The following RASSF8 variants were observed in gnomAD, a reference collection of about 807,000 sequenced individuals.
The protein encoded by RASSF8 is ras association domain-containing protein 8.
A neutral mutation model predicts 48.5 loss-of-function variants in RASSF8; 22 were observed. That is an observed-to-expected ratio of 0.45 (90% CI 0.32 to 0.65). The LOEUF (loss-of-function observed/expected upper bound fraction) is 0.65. Ranked by LOEUF, RASSF8 falls within the 30% of genes least tolerant of loss-of-function variation. The pLI is 0.03. For missense variants in RASSF8, 418 were observed against 489.2 expected, an observed-to-expected ratio of 0.85 and a Z score of 1.37; for synonymous variants, 127 against 171.5, an observed-to-expected ratio of 0.74 and a Z score of 2.03.
intron 2 of RASSF8, among the ~76,000 whole-genome samples, chr12:26,028,551 A>G (rs973662797): frequency 2.0e-5 from 3 of 152,190 alleles, no homozygotes; most frequent in Non-Finnish European, 4.4e-5. Flanking sequence ...CGTACATGAA[A>G]TTATTAAAAA....
intron 2 of RASSF8, among the ~76,000 whole-genome samples, chr12:26,039,399 G>A (rs1436747341): frequency 6.6e-6 from 1 of 151,694 alleles, no homozygotes; most frequent in Non-Finnish European, 1.5e-5. Context: ...GAGGGCTTGG[G>A]ACTTGAGTTC....
rs1415792905 is a variant in RASSF8 at position 26,068,658 on chromosome 12, GACGAGCTCATC to G, written c.1139-37_1139-27del. On this transcript the variant is annotated intron_variant, in intron 5 of 5. Transcript: ENST00000689635. ...TTTATATTGCTAAGTACTCCAAGTT[GACGAGCTCATC>G]AGGTGGCTCTCTTTGTTTCCTGTTT... 16 of 1,455,732 alleles carry G rather than the reference GACGAGCTCATC, an allele frequency of 1.1e-5. No individual in the cohort carries two copies. The Admixed American group carries it at 3.2e-4, about 29-fold the overall frequency. 90.2% of individuals were successfully genotyped at this position (1,455,732 alleles called of 1,614,324 possible). A position where few individuals can be genotyped will look rare whatever the true frequency, so the allele number is the denominator to read the frequency against.
At position 26,065,076 on chromosome 12, in the gene RASSF8, A is replaced by T; in HGVS notation, c.682A>T (p.Asn228Tyr). ...AATTGAGGAGGAAGAATTCTGGGAA[A>T]ATGAATTACAGATTGAACAGGAAAA... is the stretch of plus-strand genomic sequence containing the variant. ...VEIEEEEFWE[N>Y]ELQIEQENEK... Residue 228 changes from asparagine (N) to tyrosine (Y), a missense_variant, in exon 4 of 6, where the codon AAT (asparagine) becomes TAT (tyrosine). Physicochemically the swap from Asn to Tyr is moderately radical, Grantham distance 143. Transcript: ENST00000689635. The T allele has an allele frequency of 6.2e-7, 1 of 1,614,086 alleles. No homozygotes were observed. The highest frequency in any genetic ancestry group is 8.5e-7 in the Non-Finnish European group (1 of 1,179,952).
At position 26,069,508 on chromosome 12, in the gene RASSF8, A is replaced by G. The variant is rs1206519853; in HGVS notation, c.*690A>G. 3.0e-6 allele frequency: 3 copies of G among 985,350 alleles called. No individual in the cohort carries two copies. The African/African-American group carries it at 5.2e-5, about 17-fold the overall frequency. 61.0% of individuals were successfully genotyped at this position (985,350 alleles called of 1,614,324 possible). A position where few individuals can be genotyped will look rare whatever the true frequency, so the allele number is the denominator to read the frequency against. ...CCACAGAGCATAACAGATATTTTTC[A>G]TAAGCTAAATTGTATGTATAAAACA... is the stretch of plus-strand genomic sequence containing the variant. On this transcript the variant is annotated 3_prime_UTR_variant, in exon 6 of 6. Coordinates refer to ENST00000689635, the MANE Select transcript of RASSF8 (RefSeq NM_001394098.1).
intron 3 of RASSF8, among the ~76,000 whole-genome samples, chr12:26,061,828 C>CT (rs1301606678): frequency 6.6e-6 from 1 of 151,740 alleles, no homozygotes; most frequent in Non-Finnish European, 1.5e-5. Context: ...ATTCATTTGC[C>CT]TTTTTTAAAA....
At chr12:25,962,200 T>A (rs547149319) in intron 1 of RASSF8, among the ~76,000 whole-genome samples, 2 of 152,334 alleles carry the variant, frequency 1.3e-5, no homozygotes, top group South Asian at 4.1e-4. Context: ...TTGCATCTCT[T>A]GCTGTCATCT....
intron 3 of RASSF8, among the ~76,000 whole-genome samples, chr12:26,059,468 A>G (rs373218853): frequency 9.8e-5 from 15 of 152,324 alleles, no homozygotes; most frequent in Non-Finnish European, 1.3e-4. Flanking sequence ...AAATTTAGAA[A>G]ACACAAAGAA....
intron 1 of RASSF8, among the ~76,000 whole-genome samples, chr12:25,973,602 G>T (rs1174340234): frequency 1.3e-5 from 2 of 152,172 alleles, no homozygotes; most frequent in East Asian, 3.9e-4. Context: ...CTGAATGTTT[G>T]TGTCTCCCTC....
At position 26,070,503 on chromosome 12, in the gene RASSF8, A is replaced by C. The variant is rs1294135571; in HGVS notation, c.*1685A>C. On this transcript the variant is annotated 3_prime_UTR_variant, in exon 6 of 6. Transcript: ENST00000689635. Reference sequence around the variant, plus strand: ...GAGTTATCAAATTGATCTTGCCATTATGTTACTTTGCAAATAACTGAAGTA... The same window carrying C: ...GAGTTATCAAATTGATCTTGCCATTCTGTTACTTTGCAAATAACTGAAGTA... 1 of 984,590 alleles carries C rather than the reference A, an allele frequency of 1.0e-6. No homozygotes were observed. The highest frequency in any genetic ancestry group is 1.1e-4 in the East Asian group (1 of 8,818). 61.0% of individuals were successfully genotyped at this position (984,590 alleles called of 1,614,324 possible). A position where few individuals can be genotyped will look rare whatever the true frequency, so the allele number is the denominator to read the frequency against.
chr12:26,043,563 G>T (rs1057148947), intron 2 of RASSF8, among the ~76,000 whole-genome samples: 2 of 152,222 alleles, frequency 1.3e-5, no homozygotes, highest in Admixed American at 1.3e-4. Flanking sequence ...AGACAGGATG[G>T]GAAGGCAGGG....
At chr12:26,039,824 A>G (rs1033613397) in intron 2 of RASSF8, among the ~76,000 whole-genome samples, 3 of 152,208 alleles carry the variant, frequency 2.0e-5, no homozygotes, top group Admixed American at 6.5e-5. Context: ...ATCTGTTTAA[A>G]TAAAAGGTAT....
At chr12:26,063,955 C>T (rs1417505002) in intron 3 of RASSF8, among the ~76,000 whole-genome samples, 1 of 152,094 alleles carries the variant, frequency 6.6e-6, no homozygotes, top group African/African-American at 2.4e-5. Context: ...CTGGGCACCT[C>T]CTGTGGCTGA....
At chr12:25,984,436 C>T (rs540224260) in intron 1 of RASSF8, among the ~76,000 whole-genome samples, 16 of 151,644 alleles carry the variant, frequency 1.1e-4, no homozygotes, top group Non-Finnish European at 1.8e-4. Flanking sequence ...TCTTCCTCCC[C>T]GGTTCAGGCA....
intron 1 of RASSF8, among the ~76,000 whole-genome samples, chr12:25,972,753 G>A (rs1248838396): frequency 6.6e-6 from 1 of 152,220 alleles, no homozygotes; most frequent in Non-Finnish European, 1.5e-5. Context: ...AGTATGTTAT[G>A]TCTGTGTGTA....
At chr12:26,063,350 G>A (rs962766842) in intron 3 of RASSF8, among the ~76,000 whole-genome samples, 2 of 151,966 alleles carry the variant, frequency 1.3e-5, no homozygotes, top group Non-Finnish European at 2.9e-5. Flanking sequence ...ATAATGATTA[G>A]ATTCAGTATA....
intron 3 of RASSF8, among the ~76,000 whole-genome samples, chr12:26,058,469 A>G (rs576301445): frequency 2.6e-4 from 39 of 152,300 alleles, no homozygotes; most frequent in African/African-American, 9.1e-4. Flanking sequence ...CAATTTGTAG[A>G]CTGGTTTCTT....
intron 2 of RASSF8, among the ~76,000 whole-genome samples, chr12:26,032,085 C>A (rs1943042342): frequency 6.6e-6 from 1 of 152,092 alleles, no homozygotes; most frequent in South Asian, 2.1e-4. Context: ...AATTTTGTAT[C>A]TGGAAAATTT....
intron 2 of RASSF8, among the ~76,000 whole-genome samples, chr12:26,048,448 A>T (rs1943419499): frequency 6.6e-6 from 1 of 152,208 alleles, no homozygotes; most frequent in African/African-American, 2.4e-5. Context: ...ATATGCTGAG[A>T]ATAATGGCAT....
chr12:26,013,990 C>CA lies in RASSF8; in HGVS notation c.-109+18864dup, dbSNP rs1347037747. Among the ~76,000 whole-genome samples the CA allele has an allele frequency of 7.2e-5, 11 of 152,228 alleles. 1 individual carries two copies. The highest frequency in any genetic ancestry group is 2.6e-4 in the African/African-American group (11 of 41,532). ...ATGGCACATTTTTATATTTTGTGGA[C>CA]AAAACTCAGACCTGTGGTATTGGTT... On this transcript the variant is annotated intron_variant, in intron 2 of 5. Coordinates refer to ENST00000689635, the MANE Select transcript of RASSF8 (RefSeq NM_001394098.1).
Sources: allele counts gnomAD v4.1 joint callset (sites outside exome capture counted in the v4.1 genomes callset), GRCh38; gene constraint gnomAD v4.1.1; transcripts MANE v1.5; gene names NCBI Gene and HGNC (gene_info 2026-07-23, HGNC 2026-07-21).